Variants in GLS observed in about 807,000 individuals in gnomAD.
The protein encoded by GLS is glutaminase, also known as glutaminase kidney isoform, mitochondrial.
Under a neutral mutation model 86.7 loss-of-function variants are expected in GLS, and 36 were observed. That is an observed-to-expected ratio of 0.42 (90% confidence interval 0.32 to 0.55). GLS has a LOEUF of 0.55. Among genes scored for constraint, GLS ranks in the 20% least tolerant of loss-of-function variants. The probability of loss-of-function intolerance (pLI) is 0.17; values close to 1 mark genes in which losing one functional copy is unlikely to be tolerated. For synonymous variants in GLS, 317 were observed against 305.9 expected (o/e 1.04, Z -0.38); for missense variants, 528 against 833.4 (o/e 0.63, Z 4.51).
chr2:190,932,896 T>C (rs979771037), intron 14 of GLS: 1 of 1,433,184 alleles, frequency 7.0e-7, no homozygotes, highest in Non-Finnish European at 9.2e-7. Context: ...TGTTTCTTCA[T>C]TTAATCTTTC....
Position 190,905,384 on chromosome 2 carries a change from T to C in GLS, c.979+217T>C. 1 of 429,198 alleles carries C rather than the reference T, an allele frequency of 2.3e-6. No individual in the cohort carries two copies. Among genetic ancestry groups the C allele is most frequent in the South Asian group, 3.6e-5 (1 of 28,128 alleles). 26.6% of individuals were successfully genotyped at this position (429,198 alleles called of 1,614,324 possible). A position where few individuals can be genotyped will look rare whatever the true frequency, so the allele number is the denominator to read the frequency against. On this transcript the variant is annotated intron_variant, in intron 6 of 17. Coordinates refer to ENST00000320717, the MANE Select transcript of GLS (RefSeq NM_014905.5). This position sits in a 1 kb window ranked among gnomAD's most constrained non-coding sequence, Gnocchi z 4.6. The stretch of plus-strand genomic sequence containing the variant: ...GCTAGGGAGAACATGAACTTCTCTC[T>C]TCATAACCACCTTTAGGGAAATATA...
rs1690492893 is a variant in GLS at position 190,943,194 on chromosome 2, G to A, written c.1651-10371G>A. ...TATCAGTATGTAGAAGCTAGCTAAT[G>A]TTTGAGATATTTGTGAGATATCTAA... is the stretch of plus-strand genomic sequence containing the variant. On this transcript the variant is annotated intron_variant, in intron 14 of 17. Coordinates refer to ENST00000320717, the MANE Select transcript of GLS (RefSeq NM_014905.5). The surrounding 1 kb of genome is among the most constrained non-coding windows in gnomAD (Gnocchi z 4.5). Among the ~76,000 whole-genome samples the A allele has an allele frequency of 6.6e-6, 1 of 152,202 alleles. No homozygotes were observed. The highest frequency in any genetic ancestry group is 2.1e-4 in the South Asian group (1 of 4,836).
At chr2:190,891,811 A>T (rs1688572892) in intron 1 of GLS, among the ~76,000 whole-genome samples, 1 of 152,172 alleles carries the variant, frequency 6.6e-6, no homozygotes, top group African/African-American at 2.4e-5. Flanking sequence ...AATAGCCTAT[A>T]GGTAGAAACA....
chr2:190,962,896 A>G lies in GLS; in HGVS notation c.1920A>G (p.Gln640=), dbSNP rs1192741841. 4 of 1,602,018 alleles carry G rather than the reference A, an allele frequency of 2.5e-6. No individual in the cohort carries two copies. Among genetic ancestry groups the G allele is most frequent in the African/African-American group, 1.3e-5 (1 of 74,468 alleles). ...FGHHDVFKIL[Q]EYQVQYTPQG... ...ACCATGATGTATTTAAAATTCTCCA[A>G]GAATACCAAGTCCAGTACACACCTC... Residue 640 remains glutamine, a synonymous_variant, in exon 18 of 18, where the codon CAA becomes CAG. Coordinates refer to ENST00000320717, the MANE Select transcript of GLS (RefSeq NM_014905.5). This position sits in a 1 kb window ranked among gnomAD's most constrained non-coding sequence, Gnocchi z 4.2.
intron 14 of GLS, among the ~76,000 whole-genome samples, chr2:190,952,459 C>T (rs73979308): frequency 3.5e-4 from 53 of 152,228 alleles, no homozygotes; most frequent in Admixed American, 1.7e-3. Context: ...GGCCATCTTA[C>T]GGACTAGTTT....
intron 14 of GLS, chr2:190,934,778 A>G: frequency 1.0e-6 from 1 of 971,876 alleles, no homozygotes; most frequent in Non-Finnish European, 1.2e-6. Flanking sequence ...TTAAATGCAT[A>G]CTTAAAAATG....
At chr2:190,918,032 A>G (rs1689600906) in intron 7 of GLS, among the ~76,000 whole-genome samples, 2 of 152,178 alleles carry the variant, frequency 1.3e-5, no homozygotes, top group African/African-American at 4.8e-5. Flanking sequence ...TTATAAGCCC[A>G]GGCAGGGTAG....
At position 190,921,125 on chromosome 2, in the gene GLS, T is replaced by C; in HGVS notation, c.1072-20T>C. 1 of 1,594,042 alleles carries C rather than the reference T, an allele frequency of 6.3e-7. No individual in the cohort carries two copies. The highest frequency in any genetic ancestry group is 8.6e-7 in the Non-Finnish European group (1 of 1,162,228). On this transcript the variant is annotated intron_variant, in intron 8 of 17. Transcript: ENST00000320717. This position sits in a 1 kb window ranked among gnomAD's most constrained non-coding sequence, Gnocchi z 4.2. ...ATATTTGTTTTTTGATTACTAATAT[T>C]CCCTACTTTTGGTTTCTAGGTCATG...
intron 14 of GLS, chr2:190,933,551 A>T: frequency 1.0e-6 from 1 of 963,716 alleles, no homozygotes; most frequent in Non-Finnish European, 1.2e-6. Flanking sequence ...TATGTTACTA[A>T]AACATTCCAG....
chr2:190,883,970 C>T (rs1454508880), intron 1 of GLS, among the ~76,000 whole-genome samples: 1 of 152,138 alleles, frequency 6.6e-6, no homozygotes, highest in Non-Finnish European at 1.5e-5. Flanking sequence ...GTTTCCATCA[C>T]GCAACTTTAG....
At chr2:190,906,025 G>C (rs1189169442) in intron 6 of GLS, among the ~76,000 whole-genome samples, 1 of 151,930 alleles carries the variant, frequency 6.6e-6, no homozygotes, top group Non-Finnish European at 1.5e-5. Flanking sequence ...CATAAGACTG[G>C]TATTTTCTTA....
At chr2:190,932,772 GAC>G (rs1348641958) in intron 14 of GLS, 1 of 1,604,386 alleles carries the variant, frequency 6.2e-7, no homozygotes, top group Non-Finnish European at 8.5e-7. Context: ...CTTTAAAAGA[GAC>G]AGTATGGAAA....
rs190715739 is a variant in GLS at position 190,900,944 on chromosome 2, A to G, written c.735+251A>G. 1.2e-3 allele frequency among the ~76,000 whole-genome samples: 185 copies of G among 152,258 alleles called. 3 individuals are homozygous for G. The highest frequency in any genetic ancestry group is 4.4e-5 in the Non-Finnish European group (3 of 67,970). On this transcript the variant is annotated intron_variant, in intron 4 of 17. Coordinates refer to ENST00000320717, the MANE Select transcript of GLS (RefSeq NM_014905.5). ...TTTCAGATGATGGTGATGGATTTTAAATTTTTAAGTTAAAAAATCTTATTC... is the reference window on the plus strand; with the variant it reads ...TTTCAGATGATGGTGATGGATTTTAGATTTTTAAGTTAAAAAATCTTATTC...
chr2:190,959,569 A>C (rs1279894034), intron 17 of GLS, among the ~76,000 whole-genome samples: 1 of 151,880 alleles, frequency 6.6e-6, no homozygotes, highest in Non-Finnish European at 1.5e-5. Context: ...CCCCTCGTGG[A>C]GTTTTTAACA....
intron 1 of GLS, among the ~76,000 whole-genome samples, chr2:190,886,744 T>C (rs1405852645): frequency 6.6e-6 from 1 of 151,964 alleles, no homozygotes; most frequent in Non-Finnish European, 1.5e-5. Context: ...GGTGAAACAC[T>C]GTCTCTACTA....
At chr2:190,908,642 C>T (rs1420515780) in intron 6 of GLS, among the ~76,000 whole-genome samples, 1 of 152,204 alleles carries the variant, frequency 6.6e-6, no homozygotes, top group East Asian at 1.9e-4. Context: ...CTCCATCTTA[C>T]CTTAAGACAG....
At chr2:190,918,578 G>A (rs1044293554) in intron 7 of GLS, among the ~76,000 whole-genome samples, 11 of 151,850 alleles carry the variant, frequency 7.2e-5, no homozygotes, top group East Asian at 3.9e-4. Flanking sequence ...CATCATTTGC[G>A]TGTTCATTGA....
At chr2:190,925,934 G>T (rs935699924) in intron 11 of GLS, among the ~76,000 whole-genome samples, 1 of 152,120 alleles carries the variant, frequency 6.6e-6, no homozygotes, top group African/African-American at 2.4e-5. Flanking sequence ...TTTGAAACTA[G>T]CCTTTTTTTT....
intron 1 of GLS, among the ~76,000 whole-genome samples, chr2:190,889,170 G>C (rs1191235292): frequency 6.6e-6 from 1 of 152,134 alleles, no homozygotes; most frequent in Non-Finnish European, 1.5e-5. Context: ...TAAGCTGCCC[G>C]CAGATATTAA....
Sources: allele counts gnomAD v4.1 joint callset (sites outside exome capture counted in the v4.1 genomes callset), GRCh38; gene constraint gnomAD v4.1.1; non-coding constraint Gnocchi (gnomAD v3.1); transcripts MANE v1.5; gene names NCBI Gene and HGNC (gene_info 2026-07-23, HGNC 2026-07-21).